The following MEIS1 variants were observed in gnomAD, a reference collection of about 807,000 sequenced individuals.
The protein encoded by MEIS1 is homeobox protein Meis1.
MEIS1 carries 5 observed loss-of-function variants against 50.8 expected under a neutral mutation model. The ratio of observed to expected loss-of-function variants is 0.10; its 90% CI spans 0.05 to 0.21. MEIS1 has a LOEUF of 0.21. Among genes scored for constraint, MEIS1 ranks in the 10% least tolerant of loss-of-function variants. MEIS1 has a pLI of 1.00. For synonymous variants in MEIS1, 176 were observed against 179.3 expected, an observed-to-expected ratio of 0.98 and a Z score of 0.15; for missense variants, 318 against 517.3, an observed-to-expected ratio of 0.61 and a Z score of 3.74.
chr2:66,564,219 AT>A (rs576495348), intron 9 of MEIS1, among the ~76,000 whole-genome samples: 141 of 152,042 alleles, frequency 9.3e-4, no homozygotes, highest in African/African-American at 3.3e-3. Flanking sequence ...TTTATGTTTT[AT>A]TTTTTAATTA....
At chr2:66,500,574 A>G (rs1183157599) in intron 7 of MEIS1, among the ~76,000 whole-genome samples, 1 of 151,934 alleles carries the variant, frequency 6.6e-6, no homozygotes, top group Non-Finnish European at 1.5e-5. Context: ...ACAGGCATGC[A>G]TCACCACGTC....
At position 66,571,609 on chromosome 2, in the gene MEIS1, T is replaced by C; in HGVS notation, c.*401T>C. On this transcript the variant is annotated 3_prime_UTR_variant, in exon 13 of 13. Transcript: ENST00000272369. ...CTGCAATGACTGTGGAGTTCCATTCTTGGCATCTACTCTGGACCAAGGAGC... is the reference window on the plus strand; with the variant it reads ...CTGCAATGACTGTGGAGTTCCATTCCTGGCATCTACTCTGGACCAAGGAGC... 1 of 1,510,266 alleles carries C rather than the reference T, an allele frequency of 6.6e-7. No homozygotes were observed. Among genetic ancestry groups the C allele is most frequent in the Non-Finnish European group, 9.0e-7 (1 of 1,113,224 alleles). The allele number at this position is 1,510,266 out of a possible 1,614,324, so 93.6% of individuals were successfully genotyped here. A position where few individuals can be genotyped will look rare whatever the true frequency, so the allele number is the denominator to read the frequency against.
Position 66,435,916 on chromosome 2 carries a change from A to C in MEIS1, c.12+48A>C. On this transcript the variant is annotated intron_variant, in intron 1 of 12. Transcript: ENST00000272369. The stretch of plus-strand genomic sequence containing the variant: ...GGAACTCAAATGTGAGATTAAATTG[A>C]AACGTGGCCGAAAGACACTGCTAAA... 2.0e-6 allele frequency: 3 copies of C among 1,524,790 alleles called. No individual in the cohort carries two copies. In the South Asian group the frequency reaches 3.8e-5, roughly 19 times the overall value. 94.5% of individuals were successfully genotyped at this position (1,524,790 alleles called of 1,614,324 possible).
intron 9 of MEIS1, among the ~76,000 whole-genome samples, chr2:66,564,412 C>A (rs11688640): frequency 3.5e-4 from 54 of 152,206 alleles, no homozygotes; most frequent in African/African-American, 1.2e-3. Context: ...CAGAGCAGGC[C>A]TGGAATAAAT....
rs1675423148 is a variant in MEIS1 at position 66,569,126 on chromosome 2, A to C, written c.*18A>C. On this transcript the variant is annotated 3_prime_UTR_variant, in exon 12 of 13. Transcript: ENST00000272369. The stretch of plus-strand genomic sequence containing the variant: ...ACATGTAACCTTCATCTAGTTAACC[A>C]ATCGCAAAGCAAGGGGGAAGTAAGT... The C allele has an allele frequency of 6.2e-7, 1 of 1,612,022 alleles. No individual in the cohort carries two copies. The highest frequency in any genetic ancestry group is 1.3e-5 in the African/African-American group (1 of 74,810).
At chr2:66,530,105 T>G (rs544880031) in intron 8 of MEIS1, among the ~76,000 whole-genome samples, 2 of 150,534 alleles carry the variant, frequency 1.3e-5, no homozygotes, top group Non-Finnish European at 2.9e-5. Flanking sequence ...GAGGCAAAGT[T>G]AACTGATGAA....
chr2:66,439,544 G>T lies in MEIS1; in HGVS notation c.240-299G>T, dbSNP rs1671896184. ...GTGGGAAACTTAATTCAAAATGGCT[G>T]CTGGAAACGCTTGGGTTTTATTCGT... On this transcript the variant is annotated intron_variant, in intron 2 of 12. Coordinates refer to ENST00000272369, the MANE Select transcript of MEIS1 (RefSeq NM_002398.3). 4 of 1,505,292 alleles carry T rather than the reference G, an allele frequency of 2.7e-6. No individual in the cohort carries two copies. In the African/African-American group the frequency reaches 5.6e-5, roughly 21 times the overall value. The allele number at this position is 1,505,292 out of a possible 1,614,324, so 93.2% of individuals were successfully genotyped here. A position where few individuals can be genotyped will look rare whatever the true frequency, so the allele number is the denominator to read the frequency against.
At chr2:66,510,690 G>GA (rs879823455) in intron 7 of MEIS1, among the ~76,000 whole-genome samples, 137 of 145,562 alleles carry the variant, frequency 9.4e-4, no homozygotes, top group African/African-American at 2.7e-3. Context: ...TAAGGCAATT[G>GA]AAAAAAAAAA....
intron 8 of MEIS1, among the ~76,000 whole-genome samples, chr2:66,519,872 A>G (rs765602121): frequency 5.3e-5 from 8 of 152,164 alleles, no homozygotes; most frequent in Non-Finnish European, 1.0e-4. Flanking sequence ...CTCTTAAAAA[A>G]TGGGGTGGTA....
chr2:66,559,133 GAGA>G (rs1346481945), intron 9 of MEIS1, among the ~76,000 whole-genome samples: 1 of 151,768 alleles, frequency 6.6e-6, no homozygotes, highest in Non-Finnish European at 1.5e-5. Context: ...CAGAGAGAGA[GAGA>G]GAGAGAGAGA....
At chr2:66,473,314 G>A (rs1366043011) in intron 7 of MEIS1, among the ~76,000 whole-genome samples, 1 of 146,884 alleles carries the variant, frequency 6.8e-6, no homozygotes, top group African/African-American at 2.5e-5. Flanking sequence ...GAAGGCAGAG[G>A]TTGCGGTGAG....
intron 6 of MEIS1, among the ~76,000 whole-genome samples, chr2:66,454,531 G>A (rs1331197361): frequency 4.6e-5 from 7 of 151,874 alleles, no homozygotes; most frequent in Admixed American, 4.6e-4. Flanking sequence ...TTCATGCTGA[G>A]GTCTTGTTGC....
At chr2:66,501,665 A>C (rs1256354874) in intron 7 of MEIS1, among the ~76,000 whole-genome samples, 1 of 152,066 alleles carries the variant, frequency 6.6e-6, no homozygotes, top group Non-Finnish European at 1.5e-5. Flanking sequence ...AAAAAAAAAA[A>C]CTTGGAAAAT....
chr2:66,495,387 T>C (rs1011265352), intron 7 of MEIS1, among the ~76,000 whole-genome samples: 5 of 152,142 alleles, frequency 3.3e-5, no homozygotes, highest in African/African-American at 1.2e-4. Flanking sequence ...TTTCATCATA[T>C]TAGATTGTGC....
chr2:66,506,258 T>G (rs189400117), intron 7 of MEIS1, among the ~76,000 whole-genome samples: 1 of 152,320 alleles, frequency 6.6e-6, no homozygotes, highest in East Asian at 1.9e-4. Flanking sequence ...GGTGTGTCAC[T>G]AAATCAGCTA....
At chr2:66,487,578 G>A (rs897286699) in intron 7 of MEIS1, among the ~76,000 whole-genome samples, 6 of 152,174 alleles carry the variant, frequency 3.9e-5, no homozygotes, top group African/African-American at 1.4e-4. Context: ...AGATCAGCTC[G>A]TGGTGATCAG....
chr2:66,444,195 G>T (rs1187411211), intron 6 of MEIS1, among the ~76,000 whole-genome samples: 2 of 149,732 alleles, frequency 1.3e-5, no homozygotes, highest in East Asian at 4.1e-4. Flanking sequence ...CTATATAAGT[G>T]AAGTCCCAGT....
intron 8 of MEIS1, among the ~76,000 whole-genome samples, chr2:66,537,864 C>T (rs1222470141): frequency 1.3e-5 from 2 of 152,114 alleles, no homozygotes; most frequent in African/African-American, 4.8e-5. Context: ...ATGGGCTATA[C>T]ATAGTTTGAA....
At chr2:66,548,350 C>G (rs1674841460) in intron 9 of MEIS1, among the ~76,000 whole-genome samples, 1 of 152,022 alleles carries the variant, frequency 6.6e-6, no homozygotes, top group Admixed American at 6.6e-5. Context: ...AGAGTAGTAT[C>G]ATCCTATTTT....
Sources: gnomAD v4.1 joint callset for allele counts (sites outside exome capture counted in the v4.1 genomes callset) on GRCh38, gnomAD v4.1.1 for gene constraint, MANE v1.5 for transcripts, NCBI Gene and HGNC (gene_info 2026-07-23, HGNC 2026-07-21) for gene names.